The following LGMN variants were observed in gnomAD, a reference collection of about 807,000 sequenced individuals.
LGMN encodes legumain, also known as asparaginyl endopeptidase.
Under a neutral mutation model 56.8 loss-of-function variants are expected in LGMN, and 36 were observed. The ratio of observed to expected loss-of-function variants is 0.63; its 90% CI spans 0.49 to 0.84. The LOEUF is 0.84. Among genes scored for constraint, LGMN ranks in the 40% least tolerant of loss-of-function variants. LGMN has a pLI of 0.00. For synonymous variants in LGMN, 199 were observed against 210.1 expected (o/e 0.95, Z 0.46); for missense variants, 446 against 556.1 (o/e 0.80, Z 1.99).
At chr14:92,728,159 G>A (rs1890837825) in intron 2 of LGMN, among the ~76,000 whole-genome samples, 1 of 152,216 alleles carries the variant, frequency 6.6e-6, no homozygotes, top group African/African-American at 2.4e-5. Flanking sequence ...TTTGGCACCA[G>A]GGACTGGTTT....
chr14:92,712,384 C>T (rs1889828332), intron 8 of LGMN, among the ~76,000 whole-genome samples: 1 of 152,178 alleles, frequency 6.6e-6, no homozygotes, highest in African/African-American at 2.4e-5. Flanking sequence ...TAGAATTGTG[C>T]TGGACAAATG....
At chr14:92,723,376 A>G (rs1305508014) in intron 2 of LGMN, among the ~76,000 whole-genome samples, 2 of 152,294 alleles carry the variant, frequency 1.3e-5, no homozygotes, top group East Asian at 3.9e-4. Flanking sequence ...CCTACCCAAG[A>G]GAAACAAAAA....
rs539177775 is a variant in LGMN, at chr14:92,712,915, G to A, written c.544-44C>T. On this transcript the variant is annotated intron_variant, in intron 7 of 13. Transcript: ENST00000334869. ...AGGTGAGCTCACCCCATCCAGGTAC[G>A]GGCCTCCAGCCATGCTACTGGAGCT... is the stretch of plus-strand genomic sequence containing the variant. The A allele has an allele frequency of 1.5e-5, 23 of 1,570,780 alleles. No individual in the cohort carries two copies. In the East Asian group the frequency reaches 2.3e-4, roughly 15 times the overall value.
At chr14:92,713,601 A>C (rs1009596140) in intron 7 of LGMN, among the ~76,000 whole-genome samples, 2 of 152,136 alleles carry the variant, frequency 1.3e-5, no homozygotes, top group Non-Finnish European at 2.9e-5. Flanking sequence ...ACTGGGTCAA[A>C]CTCTGGGGGC....
intron 8 of LGMN, 27 bp downstream of exon 8, chr14:92,712,778 G>C: frequency 6.2e-7 from 1 of 1,609,740 alleles, no homozygotes; most frequent in Non-Finnish European, 8.5e-7. Context: ...GCCAGCCCAG[G>C]TCGAGGCCGG....
At chr14:92,744,595 T>C (rs908948086) in intron 1 of LGMN, among the ~76,000 whole-genome samples, 1 of 101,574 alleles carries the variant, frequency 9.8e-6, no homozygotes, top group East Asian at 3.2e-4. Flanking sequence ...TATCCTTTAG[T>C]TTTTTTTTTT....
At chr14:92,731,793 C>A (rs1361797782) in intron 2 of LGMN, among the ~76,000 whole-genome samples, 1 of 152,204 alleles carries the variant, frequency 6.6e-6, no homozygotes, top group African/African-American at 2.4e-5. Context: ...CATGTTTTCA[C>A]CTCTCTTAAG....
chr14:92,708,174 A>G lies in LGMN; in HGVS notation c.1020+1498T>C, dbSNP rs571606664. 3.6e-3 allele frequency among the ~76,000 whole-genome samples: 553 copies of G among 152,174 alleles called. 3 individuals are homozygous for G. The highest frequency in any genetic ancestry group is 5.5e-3 in the Non-Finnish European group (374 of 68,010). ...CTCAAAAAAAAAAAAAAAATCACCAAAAAACCTCTGGTTCACTTTCTGTGA... is the reference window on the plus strand; with the variant it reads ...CTCAAAAAAAAAAAAAAAATCACCAGAAAACCTCTGGTTCACTTTCTGTGA... On this transcript the variant is annotated intron_variant, in intron 11 of 13. Coordinates refer to ENST00000334869, the MANE Select transcript of LGMN (RefSeq NM_005606.7).
chr14:92,734,317 G>C (rs553707241), intron 1 of LGMN, among the ~76,000 whole-genome samples: 7 of 152,266 alleles, frequency 4.6e-5, no homozygotes, highest in African/African-American at 1.7e-4. Context: ...GCTCTCCATC[G>C]CAAGACTTTA....
intron 11 of LGMN, 69 bp downstream of exon 11, chr14:92,709,603 G>A (rs1041978581): frequency 1.0e-4 from 132 of 1,280,830 alleles, no homozygotes; most frequent in Non-Finnish European, 1.4e-4. Context: ...AGGCAGGGCC[G>A]TGCTCATGCA....
chr14:92,728,757 T>C (rs1277974719), intron 2 of LGMN, among the ~76,000 whole-genome samples: 1 of 152,250 alleles, frequency 6.6e-6, no homozygotes, highest in African/African-American at 2.4e-5. Context: ...CTGTGGAGCA[T>C]GGACTGCCTG....
chr14:92,730,390 A>G (rs941792677), intron 2 of LGMN, among the ~76,000 whole-genome samples: 1 of 152,232 alleles, frequency 6.6e-6, no homozygotes. Flanking sequence ...ATGACTTAGT[A>G]CAAAATCAAA....
Position 92,741,332 on chromosome 14 carries a change from G to C in LGMN, c.-30+7157C>G, listed in dbSNP as rs557694320. The C allele has an allele frequency of 2.8e-4, 42 of 152,284 alleles. 1 individual carries two copies. Among genetic ancestry groups the C allele is most frequent in the African/African-American group, 9.6e-4 (40 of 41,530 alleles). The allele number at this position is 152,284 out of a possible 1,614,324, so 9.4% of individuals were successfully genotyped here. The stretch of plus-strand genomic sequence containing the variant: ...GCAAGTAATAAGGTCAAGTTCACAG[G>C]GCCATCTAAGTAGCAGAGTCAAGTT... On this transcript the variant is annotated intron_variant, in intron 1 of 13. Coordinates refer to ENST00000334869, the MANE Select transcript of LGMN (RefSeq NM_005606.7).
chr14:92,703,976 T>G lies in LGMN; in HGVS notation c.*343A>C. The G allele has an allele frequency of 6.6e-6, 4 of 602,618 alleles. No individual in the cohort carries two copies. The highest frequency in any genetic ancestry group is 2.9e-5 in the East Asian group (1 of 35,064). 37.3% of individuals were successfully genotyped at this position (602,618 alleles called of 1,614,324 possible). A position where few individuals can be genotyped will look rare whatever the true frequency, so the allele number is the denominator to read the frequency against. ...GATTTAAAGAGGTTTCAGCTTCAAA[T>G]TCTCAGAATAAAGACTCCTTTTGAG... On this transcript the variant is annotated 3_prime_UTR_variant, in exon 14 of 14. Transcript: ENST00000334869.
intron 1 of LGMN, chr14:92,733,607 T>A (rs971043518): frequency 6.6e-6 from 1 of 152,134 alleles, no homozygotes; most frequent in African/African-American, 2.4e-5. Flanking sequence ...GGTCAGGAGT[T>A]CAAGACCAGA....
intron 8 of LGMN, 68 bp from the exon 9 acceptor site, chr14:92,712,023 A>C: frequency 8.1e-7 from 1 of 1,230,762 alleles, no homozygotes; most frequent in Non-Finnish European, 1.2e-6. Flanking sequence ...TTGAAGCTTG[A>C]GTCCTTCTTT....
At position 92,712,305 on chromosome 14, in the gene LGMN, A is replaced by G. The variant is rs565340242; in HGVS notation, c.611-350T>C. ...TGGTTTCCAGAGAGATCTGACATTT[A>G]TTGAAGAAACATCTAGATTAACTGA... On this transcript the variant is annotated intron_variant, in intron 8 of 13. Transcript: ENST00000334869. Among the ~76,000 whole-genome samples, 66 of 152,354 alleles carry G rather than the reference A, an allele frequency of 4.3e-4. 2 individuals are homozygous for G. Among genetic ancestry groups the G allele is most frequent in the Admixed American group, 4.1e-3 (63 of 15,310 alleles).
intron 2 of LGMN, among the ~76,000 whole-genome samples, chr14:92,722,600 C>G (rs1235684332): frequency 2.0e-5 from 3 of 151,840 alleles, no homozygotes; most frequent in Admixed American, 1.3e-4. Context: ...AAAACAAAAA[C>G]AAAACTTTGA....
intron 11 of LGMN, among the ~76,000 whole-genome samples, chr14:92,709,295 G>A (rs754303855): frequency 1.3e-5 from 2 of 151,968 alleles, no homozygotes; most frequent in African/African-American, 2.4e-5. Context: ...GCACGCCACC[G>A]TACCTGTCTC....
Sources: gnomAD v4.1 joint callset for allele counts (sites outside exome capture counted in the v4.1 genomes callset) on GRCh38, gnomAD v4.1.1 for gene constraint, MANE v1.5 for transcripts, NCBI Gene and HGNC (gene_info 2026-07-23, HGNC 2026-07-21) for gene names.